The following OBSL1 variants were observed in gnomAD, a reference collection of about 807,000 sequenced individuals.
The protein encoded by OBSL1 is obscurin like cytoskeletal adaptor 1.
A neutral mutation model predicts 172.0 loss-of-function variants in OBSL1; 160 were observed. The ratio of observed to expected loss-of-function variants is 0.93; its 90% CI spans 0.82 to 1.06. The LOEUF (loss-of-function observed/expected upper bound fraction) is 1.06, where lower values mean the gene tolerates loss of function less well. Ranked by LOEUF, OBSL1 falls within the 50% of genes least tolerant of loss-of-function variation. OBSL1 has a pLI of 0.00. For synonymous variants in OBSL1, 1,200 were observed against 1,196.3 expected (o/e 1.00, Z -0.06); for missense variants, 2,681 against 2,715.4 (o/e 0.99, Z 0.28).
chr2:219,558,628 GT>G, intron 9 of OBSL1, among the ~76,000 whole-genome samples, 169 bp from the exon 10 acceptor site: 1 of 152,348 alleles, frequency 6.6e-6, no homozygotes, highest in African/African-American at 2.4e-5. Context: ...AGAACCCTGT[GT>G]TTTTTCAATC....
intron 1 of OBSL1, chr2:219,569,232 A>C (rs1574581708): frequency 6.6e-6 from 1 of 152,218 alleles, no homozygotes; most frequent in East Asian, 1.9e-4. Context: ...ATGGAGGTCC[A>C]GATCAGCACC....
chr2:219,557,260 G>A, intron 12 of OBSL1, 83 bp downstream of exon 12: 1 of 1,336,118 alleles, frequency 7.5e-7, no homozygotes, highest in Non-Finnish European at 9.9e-7. Context: ...CAAAGCGGGG[G>A]TGGAGGAGTA....
chr2:219,552,816 G>A, intron 17 of OBSL1, 52 bp downstream of exon 17: 1 of 1,534,072 alleles, frequency 6.5e-7, no homozygotes, highest in Non-Finnish European at 8.8e-7. Context: ...AGACAGCTCC[G>A]CAAGTCTCGC....
rs751944541 is a variant in OBSL1, at chr2:219,567,881, G to C, written c.1371C>G (p.Val457=). Residue 457 remains valine (V), a synonymous_variant, in exon 3 of 21, where the codon GTC becomes GTG. Transcript: ENST00000404537. ...CCCCATCACGGCTCCAGCGTCCCTC[G>C]ACCCCGGCCTCTAGAGTTTCCACTA... ...VLLVETLEAG[V]EGRWSRDGEE... The C allele has an allele frequency of 1.3e-5, 21 of 1,613,720 alleles. No homozygotes were observed. The Admixed American group carries it at 3.0e-4, about 23-fold the overall frequency.
In OBSL1 at chr2:219,558,064, G is replaced by C. The variant is rs1295142361; in HGVS notation, c.3549C>G (p.Leu1183=). Residue 1183 remains leucine (L), a synonymous_variant, in exon 11 of 21, where the codon CTC becomes CTG. Coordinates refer to ENST00000404537, the MANE Select transcript of OBSL1 (RefSeq NM_015311.3). ...FLALETTPSP[L]CVAPGEPVVL... ...CCACTGGCTCCCCAGGGGCCACACA[G>C]AGCGGGCTTGGAGTTGTCTCTAGAG... is the stretch of plus-strand genomic sequence containing the variant. 4 of 1,613,730 alleles carry C rather than the reference G, an allele frequency of 2.5e-6. No homozygotes were observed. Among genetic ancestry groups the C allele is most frequent in the Non-Finnish European group, 2.5e-6 (3 of 1,179,862 alleles).
chr2:219,567,312 G>A lies in OBSL1; in HGVS notation c.1798C>T (p.Arg600Cys), dbSNP rs1431661417. The A allele has an allele frequency of 4.4e-6, 7 of 1,604,796 alleles. No individual in the cohort carries two copies. Among genetic ancestry groups the A allele is most frequent in the African/African-American group, 1.3e-5 (1 of 74,874 alleles). Residue 600 changes from arginine (R) to cysteine (C), a missense_variant, in exon 4 of 21, where the codon CGT becomes TGT. This residue lies in a region of OBSL1 where 53 missense variants were observed against 85.5 expected (regional missense o/e 0.62). Coordinates refer to ENST00000404537, the MANE Select transcript of OBSL1 (RefSeq NM_015311.3). ...FRICTVSGHG[R>C]SPHVVFHGSA... ...CCGTGGAACACCACGTGGGGACTAC[G>A]GCCATGTCCGCTGACTGTGCAGATG...
At chr2:219,549,748 C>G (rs1695505284), downstream of OBSL1, 5 of 1,614,030 alleles carry the variant, frequency 3.1e-6, no homozygotes, top group Non-Finnish European at 4.2e-6. Flanking sequence ...GACCGGCAGA[C>G]CGGGAGCTCC....
At position 219,567,304 on chromosome 2, in the gene OBSL1, G is replaced by A. The variant is rs886801570; in HGVS notation, c.1806C>T (p.Pro602=). 1.0e-5 allele frequency: 16 copies of A among 1,602,672 alleles called. No individual in the cohort carries two copies. The highest frequency in any genetic ancestry group is 9.4e-5 in the African/African-American group (7 of 74,702). ...GAGCAGAACCGTGGAACACCACGTG[G>A]GGACTACGGCCATGTCCGCTGACTG... ...ICTVSGHGRS[P]HVVFHGSAHL... is the part of the protein sequence containing the mutation. Residue 602 remains proline, a synonymous_variant, in exon 4 of 21, where the codon CCC becomes CCT. Coordinates refer to ENST00000404537, the MANE Select transcript of OBSL1 (RefSeq NM_015311.3).
intron 5 of OBSL1, among the ~76,000 whole-genome samples, chr2:219,566,278 C>T (rs1336914299): frequency 6.6e-6 from 1 of 152,098 alleles, no homozygotes; most frequent in East Asian, 1.9e-4. Flanking sequence ...ACTCGGGAGG[C>T]TGAGGCAGGA....
At chr2:219,549,742 G>C (rs756204037), downstream of OBSL1, 44 of 1,613,678 alleles carry the variant, frequency 2.7e-5, no homozygotes, top group Non-Finnish European at 3.7e-5. Flanking sequence ...TTCCGAGACC[G>C]GCAGACCGGG....
intron 20 of OBSL1, chr2:219,551,281 G>T (rs1695592573): frequency 1.4e-6 from 2 of 1,406,380 alleles, no homozygotes; most frequent in African/African-American, 2.9e-5. Flanking sequence ...GGAGAGAGGA[G>T]AAGCCTGGCA....
chr2:219,568,172 T>C lies in OBSL1; in HGVS notation c.1165A>G (p.Ile389Val). Residue 389 changes from isoleucine (I) to valine (V), a missense_variant, in exon 2 of 21, where the codon ATC (isoleucine) becomes GTC (valine). Ile to Val is a conservative substitution (Grantham distance 29). This residue lies in a region of OBSL1 where 706 missense variants were observed against 695.8 expected (regional missense o/e 1.01). Coordinates refer to ENST00000404537, the MANE Select transcript of OBSL1 (RefSeq NM_015311.3). This position sits in a 1 kb window ranked among gnomAD's most constrained non-coding sequence, Gnocchi z 4.1. ...AGGCGCCGGACAGTGCCCTCTTCGATCTGCTCGTACTTGCGGCAGGGCAGC... is the reference window on the plus strand; with the variant it reads ...AGGCGCCGGACAGTGCCCTCTTCGACCTGCTCGTACTTGCGGCAGGGCAGC... The part of the protein sequence containing the change: ...RLLPCRKYEQ[I>V]EEGTVRRLII... 1 of 1,613,808 alleles carries C rather than the reference T, an allele frequency of 6.2e-7. No homozygotes were observed. Among genetic ancestry groups the C allele is most frequent in the Non-Finnish European group, 8.5e-7 (1 of 1,179,882 alleles).
intron 8 of OBSL1, chr2:219,562,087 C>T (rs1696521615): frequency 1.4e-6 from 1 of 704,554 alleles, no homozygotes; most frequent in Non-Finnish European, 2.7e-6. Context: ...TTAACAGCTG[C>T]CTCCTCACCT....
rs971122451 is a variant in OBSL1 at position 219,571,273 on chromosome 2, C to G, written c.-41G>C. ...CCTGCAGCGGCGAACGGTGGGGGGG[C>G]AGGGGGGGGTGCGGAGGGCGAGCCG... is the stretch of plus-strand genomic sequence containing the variant. On this transcript the variant is annotated 5_prime_UTR_variant, in exon 1 of 21. Coordinates refer to ENST00000404537, the MANE Select transcript of OBSL1 (RefSeq NM_015311.3). 25 of 862,450 alleles carry G rather than the reference C, an allele frequency of 2.9e-5. No homozygotes were observed. Among genetic ancestry groups the G allele is most frequent in the Middle Eastern group, 4.5e-4 (1 of 2,208 alleles). 53.4% of individuals were successfully genotyped at this position (862,450 alleles called of 1,614,324 possible).
chr2:219,565,524 G>A lies in OBSL1; in HGVS notation c.2135-10C>T, dbSNP rs771341060. 1.2e-6 allele frequency: 2 copies of A among 1,602,914 alleles called. No homozygotes were observed. Among genetic ancestry groups the A allele is most frequent in the Non-Finnish European group, 1.7e-6 (2 of 1,178,688 alleles). The stretch of plus-strand genomic sequence containing the variant: ...ATGTGCACCGGGCTCTCTGTGTGGG[G>A]AGAAGTACAGATAAGCACCCCTCCC... On this transcript the variant is annotated splice_polypyrimidine_tract_variant and intron_variant, in intron 5 of 20. Coordinates refer to ENST00000404537, the MANE Select transcript of OBSL1 (RefSeq NM_015311.3).
chr2:219,558,331 G>A lies in OBSL1; in HGVS notation c.3355C>T (p.Leu1119=), dbSNP rs750782462. The change falls in exon 10 of 21, where the codon CTG becomes TTG. Residue 1119 remains leucine, a synonymous_variant. Transcript: ENST00000404537. ...GSQVRWYKDG[L]EVEASDALQL... ...AGGGCATCTGATGCCTCCACTTCCA[G>A]CCCGTCCTTGTACCAGCGCACCTGA... 33 of 1,612,578 alleles carry A rather than the reference G, an allele frequency of 2.0e-5. No homozygotes were observed. The highest frequency in any genetic ancestry group is 2.5e-5 in the Non-Finnish European group (30 of 1,179,604).
rs121918215 is a variant in OBSL1, at chr2:219,568,188, G to T, written c.1149C>A (p.Cys383Ter). ...CCTCTTCGATCTGCTCGTACTTGCG[G>T]CAGGGCAGCAGCCGCTGGTCCTCAC... ...WFREDQRLLP[C>*]RKYEQIEEGT... The change falls in exon 2 of 21, where the codon TGC becomes TGA. Residue 383 changes from cysteine to a stop codon, truncating the protein, a stop_gained. Transcript: ENST00000404537. LOFTEE classifies it high-confidence loss of function. The surrounding 1 kb of genome is among the most constrained non-coding windows in gnomAD (Gnocchi z 4.1). 2 of 1,612,666 alleles carry T rather than the reference G, an allele frequency of 1.2e-6. No individual in the cohort carries two copies. Among genetic ancestry groups the T allele is most frequent in the Non-Finnish European group, 1.7e-6 (2 of 1,179,798 alleles).
intron 12 of OBSL1, chr2:219,557,048 T>G: frequency 2.1e-6 from 1 of 480,418 alleles, no homozygotes; most frequent in Non-Finnish European, 3.6e-6. Context: ...GAGCCGGGGC[T>G]CAGACAGGTT....
downstream of OBSL1, chr2:219,550,461 G>A: frequency 4.1e-6 from 1 of 244,616 alleles, no homozygotes; most frequent in Non-Finnish European, 8.0e-6. Context: ...AAGGGAGTTG[G>A]GGAGGGGTTT....
Sources: allele counts gnomAD v4.1 joint callset (sites outside exome capture counted in the v4.1 genomes callset), GRCh38; gene constraint gnomAD v4.1.1; regional missense constraint gnomAD v4.1.1; non-coding constraint Gnocchi (gnomAD v3.1); transcripts MANE v1.5; gene names NCBI Gene and HGNC (gene_info 2026-07-23, HGNC 2026-07-21).